FAM53A: variants seen among roughly 807,000 people sequenced by gnomAD.
The protein encoded by FAM53A is family with sequence similarity 53 member A, also known as protein FAM53A.
In FAM53A, 28 loss-of-function variants were observed where a neutral mutation model predicts 26.6. The ratio of observed to expected loss-of-function variants is 1.05; its 90% confidence interval spans 0.78 to 1.45. The LOEUF (loss-of-function observed/expected upper bound fraction) is 1.45, where lower values mean the gene tolerates loss of function less well. Among genes scored for constraint, FAM53A ranks in the 40% most tolerant of loss-of-function variants. FAM53A has a pLI of 0.00. For synonymous variants in FAM53A, 290 were observed against 253.1 expected (o/e 1.15, Z -1.38); for missense variants, 650 against 575.8 (o/e 1.13, Z -1.32).
upstream of FAM53A, among the ~76,000 whole-genome samples, chr4:1,684,933 C>T (rs747078194): frequency 6.6e-6 from 1 of 152,154 alleles, no homozygotes; most frequent in Non-Finnish European, 1.5e-5. Context: ...CCAGGGAGAC[C>T]GGACTCTTGG....
intron 1 of FAM53A, among the ~76,000 whole-genome samples, chr4:1,633,623 C>G (rs1715711773): frequency 6.6e-6 from 1 of 151,866 alleles, no homozygotes; most frequent in African/African-American, 2.4e-5. Flanking sequence ...TGGGTGAGCC[C>G]ATCAGTAAAT....
chr4:1,576,675 G>A, the FAM53A span, among the ~76,000 whole-genome samples: 3 of 152,264 alleles, frequency 2.0e-5, no homozygotes, highest in Admixed American at 2.0e-4. Flanking sequence ...AGGCGGCAGC[G>A]GTGGGCAGGC....
intron 2 of FAM53A, among the ~76,000 whole-genome samples, chr4:1,668,321 G>A (rs893664331): frequency 2.6e-5 from 4 of 152,122 alleles, no homozygotes; most frequent in Non-Finnish European, 5.9e-5. Flanking sequence ...TGTATTTTTA[G>A]TAGAGACGGG....
At chr4:1,619,042 G>A (rs527662974) in intron 1 of FAM53A, among the ~76,000 whole-genome samples, 2 of 152,326 alleles carry the variant, frequency 1.3e-5, no homozygotes, top group East Asian at 3.9e-4. Flanking sequence ...TGAGAGCTGG[G>A]GGTCCACTGA....
At position 1,663,484 on chromosome 4, in the gene FAM53A, C is replaced by T. The variant is rs1249976741; in HGVS notation, c.75+5183G>A. Among the ~76,000 whole-genome samples the T allele has an allele frequency of 3.3e-5, 5 of 152,096 alleles. No individual in the cohort carries two copies. The South Asian group carries it at 6.2e-4, about 19-fold the overall frequency. On this transcript the variant is annotated intron_variant, in intron 2 of 4. Transcript: ENST00000308132. ...ACCCAAAGGTCCAAAAACAGAGGAA[C>T]GGATGAGCAAATGGTGGTCTCTCAA... is the stretch of plus-strand genomic sequence containing the variant.
chr4:1,616,213 G>C (rs757060788), downstream of FAM53A, among the ~76,000 whole-genome samples: 26 of 152,214 alleles, frequency 1.7e-4, no homozygotes, highest in Non-Finnish European at 3.8e-4. Flanking sequence ...ACCACAAAAT[G>C]AAACAAACCC....
chr4:1,593,929 C>T, the FAM53A span, among the ~76,000 whole-genome samples: 1 of 152,188 alleles, frequency 6.6e-6, no homozygotes. Flanking sequence ...ACTCTTGACC[C>T]TGCGTGGCAA....
At chr4:1,676,465 C>T (rs973730576) in intron 1 of FAM53A, among the ~76,000 whole-genome samples, 3 of 152,184 alleles carry the variant, frequency 2.0e-5, no homozygotes, top group Non-Finnish European at 4.4e-5. Context: ...AGGACTTCAA[C>T]ATGTGACTGT....
rs549415057 is a variant in FAM53A, at chr4:1,644,521, G to T, written c.883-2914C>A. On this transcript the variant is annotated intron_variant, in intron 4 of 4. Coordinates refer to ENST00000308132, the MANE Select transcript of FAM53A (RefSeq NM_001174070.3). ...AGAGACGGTGGAAACCGAGGCCCAC[G>T]GGGCCGATGCTGGCCTGGACTGCGC... The T allele has an allele frequency of 2.9e-4, 235 of 807,642 alleles. 1 individual carries two copies. Among genetic ancestry groups the T allele is most frequent in the Non-Finnish European group, 4.0e-4 (213 of 536,176 alleles). 50.0% of individuals were successfully genotyped at this position (807,642 alleles called of 1,614,324 possible).
At chr4:1,609,369 G>A in the FAM53A span, among the ~76,000 whole-genome samples, 9 of 152,034 alleles carry the variant, frequency 5.9e-5, no homozygotes, top group Non-Finnish European at 1.2e-4. Context: ...CACCTGCCCC[G>A]GGGCCTCTGA....
chr4:1,606,377 G>A, the FAM53A span, among the ~76,000 whole-genome samples: 1 of 151,920 alleles, frequency 6.6e-6, no homozygotes, highest in Non-Finnish European at 1.5e-5. Context: ...TATGTCATTA[G>A]ACAAAAGCCA....
chr4:1,651,092 C>T (rs975667220), intron 4 of FAM53A, among the ~76,000 whole-genome samples: 4 of 151,382 alleles, frequency 2.6e-5, no homozygotes, highest in Admixed American at 6.6e-5. Flanking sequence ...TGGTGGGCAC[C>T]TATAATCCCA....
At chr4:1,576,230 C>T in the FAM53A span, among the ~76,000 whole-genome samples, 4 of 152,264 alleles carry the variant, frequency 2.6e-5, no homozygotes, top group African/African-American at 7.2e-5. Flanking sequence ...CGGCTGCCTT[C>T]ATCCTCTTTG....
Position 1,630,965 on chromosome 4 carries a change from C to A in FAM53A, c.432-12854G>T, listed in dbSNP as rs1207681287. ...GGGTGAGGCAGGAGGACTGTTTGAG[C>A]CCCAGAGGTCAAGACTGCAGTGAGC... On this transcript the variant is annotated intron_variant, in intron 1 of 1. Coordinates refer to the FAM53A transcript ENST00000489029. This position sits in a 1 kb window ranked among gnomAD's most constrained non-coding sequence, Gnocchi z 4.3. Among the ~76,000 whole-genome samples, 1 of 152,194 alleles carries A rather than the reference C, an allele frequency of 6.6e-6. No homozygotes were observed. Among genetic ancestry groups the A allele is most frequent in the Non-Finnish European group, 1.5e-5 (1 of 68,030 alleles).
the FAM53A span, among the ~76,000 whole-genome samples, chr4:1,577,289 C>T: frequency 2.3e-3 from 345 of 152,354 alleles, 1 homozygote; most frequent in African/African-American, 8.0e-3. Flanking sequence ...GTGGCGAACC[C>T]AGGGGAAGGT....
intron 1 of FAM53A, among the ~76,000 whole-genome samples, chr4:1,628,998 G>A (rs930277312): frequency 1.3e-5 from 2 of 151,898 alleles, no homozygotes; most frequent in African/African-American, 4.8e-5. Context: ...ATGAGTCCCC[G>A]TGACCGCGTG....
At chr4:1,673,486 C>T (rs1431371588) in intron 1 of FAM53A, among the ~76,000 whole-genome samples, 1 of 152,220 alleles carries the variant, frequency 6.6e-6, no homozygotes, top group Non-Finnish European at 1.5e-5. Context: ...GTAATCCCAG[C>T]ACCTTGGGAG....
At chr4:1,574,874 G>A in the FAM53A span, among the ~76,000 whole-genome samples, 16 of 152,238 alleles carry the variant, frequency 1.1e-4, no homozygotes, top group Non-Finnish European at 1.9e-4. Context: ...CCGGCTGCCC[G>A]AACCCCTCGG....
intron 1 of FAM53A, among the ~76,000 whole-genome samples, chr4:1,629,844 C>T (rs1715533041): frequency 2.7e-5 from 4 of 148,620 alleles, no homozygotes; most frequent in Admixed American, 2.7e-4. Flanking sequence ...CACAGCTCAT[C>T]TCTGTGGCCA....
Sources: gnomAD v4.1 joint callset for allele counts (sites outside exome capture counted in the v4.1 genomes callset) on GRCh38, gnomAD v4.1.1 for gene constraint, Gnocchi (gnomAD v3.1) non-coding constraint, MANE v1.5 for transcripts, NCBI Gene and HGNC (gene_info 2026-07-23, HGNC 2026-07-21) for gene names.